POR: variants seen among roughly 807,000 people sequenced by gnomAD.
POR encodes the protein cytochrome p450 oxidoreductase.
A neutral mutation model predicts 84.0 loss-of-function variants in POR; 56 were observed. The ratio of observed to expected loss-of-function variants is 0.67; its 90% CI spans 0.54 to 0.83. The LOEUF is 0.83. Among genes scored for constraint, POR ranks in the 40% least tolerant of loss-of-function variants. The probability of loss-of-function intolerance (pLI) is 0.00; values close to 1 mark genes in which losing one functional copy is unlikely to be tolerated. For missense variants in POR, 938 were observed against 944.3 expected (o/e 0.99, Z 0.09); for synonymous variants, 414 against 400.5 (o/e 1.03, Z -0.40).
At chr7:75,922,325 T>G (rs1399681202) in intron 1 of POR, among the ~76,000 whole-genome samples, 6 of 149,762 alleles carry the variant, frequency 4.0e-5, no homozygotes, top group South Asian at 2.1e-4. Context: ...TGTAGTTTTT[T>G]TTTTTTTTTT....
At chr7:75,980,061 G>A (rs1042621815) in intron 4 of POR, among the ~76,000 whole-genome samples, 1 of 152,202 alleles carries the variant, frequency 6.6e-6, no homozygotes, top group African/African-American at 2.4e-5. Flanking sequence ...AGCTCAGGAG[G>A]CTGCATTCTG....
At chr7:75,957,555 A>C (rs1787741650) in intron 2 of POR, among the ~76,000 whole-genome samples, 1 of 151,884 alleles carries the variant, frequency 6.6e-6, no homozygotes, top group Admixed American at 6.6e-5. Context: ...GGAGCTTGCC[A>C]CCAAGGGAGG....
chr7:75,923,501 T>C, intron 1 of POR: 1 of 495,128 alleles, frequency 2.0e-6, no homozygotes, highest in South Asian at 2.3e-5. Flanking sequence ...GCTTGTGTTA[T>C]TTTTGGGGGC....
intron 6 of POR, 59 bp from the exon 7 acceptor site, chr7:75,981,458 G>C (rs1789036084): frequency 2.0e-6 from 3 of 1,502,412 alleles, no homozygotes; most frequent in South Asian, 1.2e-5. Context: ...CCTGGCACCA[G>C]GTACCGTTGC....
intron 1 of POR, among the ~76,000 whole-genome samples, chr7:75,934,615 C>T (rs782422137): frequency 2.2e-4 from 33 of 152,276 alleles, no homozygotes; most frequent in Non-Finnish European, 3.1e-4. Flanking sequence ...GAGACCTTCC[C>T]GGCAGCCCCT....
intron 1 of POR, among the ~76,000 whole-genome samples, chr7:75,920,056 C>CTTTTT (rs71519397): frequency 1.6e-4 from 12 of 76,520 alleles, no homozygotes; most frequent in Non-Finnish European, 1.8e-4. Context: ...AGTTGAATTT[C>CTTTTT]TTTTTTTTTT....
intron 3 of POR, chr7:75,972,693 AG>A: frequency 1.6e-6 from 1 of 608,406 alleles, no homozygotes. Flanking sequence ...AACAAACCAA[AG>A]TCTAAGAACA....
intron 7 of POR, chr7:75,981,972 C>A: frequency 7.1e-6 from 4 of 564,804 alleles, no homozygotes; most frequent in Non-Finnish European, 1.3e-5. Context: ...CTTACCTTCT[C>A]CCAGATGGAA....
At position 75,951,074 on chromosome 7, in the gene POR, C is replaced by CG. The variant is rs1287095680; in HGVS notation, c.-4-2915_-4-2914insG. On this transcript the variant is annotated intron_variant, in intron 1 of 15. Coordinates refer to ENST00000461988, the MANE Select transcript of POR (RefSeq NM_000941.3). ...GCTCTGTCCCCCGGCCCCCCCCCCC[C>CG]CCGAAAAAAAAAAAGTCATATCAAA... Among the ~76,000 whole-genome samples the CG allele has an allele frequency of 3.8e-5, 3 of 78,006 alleles. 1 individual carries two copies. The highest frequency in any genetic ancestry group is 2.6e-4 in the Admixed American group (2 of 7,716). The allele number at this position is 78,006 out of a possible 152,430, so 51.2% of individuals were successfully genotyped here.
At chr7:75,982,818 C>G (rs1462895657) in intron 8 of POR, among the ~76,000 whole-genome samples, 27 of 152,196 alleles carry the variant, frequency 1.8e-4, no homozygotes, top group Non-Finnish European at 2.9e-4. Flanking sequence ...GAGCGAGAAG[C>G]CCTGCATGTC....
intron 1 of POR, among the ~76,000 whole-genome samples, chr7:75,948,082 G>C (rs529299126): frequency 6.6e-6 from 1 of 152,230 alleles, no homozygotes; most frequent in African/African-American, 2.4e-5. Context: ...AGCTCACACC[G>C]AGTGAGAGAG....
chr7:75,949,010 A>G (rs1787301193), intron 1 of POR, among the ~76,000 whole-genome samples: 1 of 152,200 alleles, frequency 6.6e-6, no homozygotes, highest in Non-Finnish European at 1.5e-5. Flanking sequence ...AGTCCCTGAA[A>G]CAGAAGGAGG....
At chr7:75,925,553 C>T (rs915039245) in intron 1 of POR, among the ~76,000 whole-genome samples, 1 of 152,126 alleles carries the variant, frequency 6.6e-6, no homozygotes, top group African/African-American at 2.4e-5. Flanking sequence ...GTGCTTTTCC[C>T]TGGGCCTTTA....
intron 1 of POR, among the ~76,000 whole-genome samples, chr7:75,951,597 C>T (rs541498651): frequency 4.5e-4 from 68 of 152,248 alleles, no homozygotes; most frequent in African/African-American, 1.5e-3. Context: ...CCATGGTTTC[C>T]TGGTGACAGT....
chr7:75,979,636 G>A, intron 4 of POR, 57 bp downstream of exon 4: 1 of 1,594,032 alleles, frequency 6.3e-7, no homozygotes, highest in Non-Finnish European at 8.5e-7. Flanking sequence ...ACAGGGAGCA[G>A]GTCTGTAGGG....
Position 75,953,953 on chromosome 7 carries a change from C to T in POR, c.-4-36C>T, listed in dbSNP as rs373890162. 1.3e-5 allele frequency: 19 copies of T among 1,509,386 alleles called. No individual in the cohort carries two copies. The African/African-American group carries it at 1.5e-4, about 12-fold the overall frequency. The allele number at this position is 1,509,386 out of a possible 1,614,324, so 93.5% of individuals were successfully genotyped here. A position where few individuals can be genotyped will look rare whatever the true frequency, so the allele number is the denominator to read the frequency against. ...GCCAGCCTCAGGGGCACCCTGCTAC[C>T]CTCTGCTGACATCTGCTGTTTCTGT... On this transcript the variant is annotated intron_variant, in intron 1 of 15. Coordinates refer to ENST00000461988, the MANE Select transcript of POR (RefSeq NM_000941.3).
intron 1 of POR, among the ~76,000 whole-genome samples, chr7:75,934,558 G>C (rs1449311251): frequency 6.6e-6 from 1 of 151,382 alleles, no homozygotes; most frequent in Non-Finnish European, 1.5e-5. Flanking sequence ...GGAGCCAAGT[G>C]CTGATAGCCA....
At chr7:75,972,355 G>C in intron 2 of POR, 58 bp from the exon 3 acceptor site, 1 of 1,496,558 alleles carries the variant, frequency 6.7e-7, no homozygotes, top group Non-Finnish European at 9.2e-7. Flanking sequence ...CACGTCCCGT[G>C]ACACCTGTGT....
At chr7:75,954,502 C>T (rs995519748) in intron 2 of POR, among the ~76,000 whole-genome samples, 2 of 152,074 alleles carry the variant, frequency 1.3e-5, no homozygotes, top group Non-Finnish European at 2.9e-5. Flanking sequence ...GCAATAGCAG[C>T]GCTAGAGCTG....
Sources: allele counts gnomAD v4.1 joint callset (sites outside exome capture counted in the v4.1 genomes callset), GRCh38; gene constraint gnomAD v4.1.1; transcripts MANE v1.5; gene names NCBI Gene and HGNC (gene_info 2026-07-23, HGNC 2026-07-21).